The following SPIDR variants were observed in gnomAD, a reference collection of about 807,000 sequenced individuals.
SPIDR encodes scaffold protein involved in DNA repair.
SPIDR carries 93 observed loss-of-function variants against 104.6 expected under a neutral mutation model. That is an observed-to-expected ratio of 0.89 (90% confidence interval 0.75 to 1.06). SPIDR has a LOEUF of 1.06. Among genes scored for constraint, SPIDR ranks in the 50% least tolerant of loss-of-function variants. The probability of loss-of-function intolerance (pLI) is 0.00; values close to 1 mark genes in which losing one functional copy is unlikely to be tolerated. For synonymous variants in SPIDR, 431 were observed against 416.9 expected (o/e 1.03, Z -0.41); for missense variants, 1,154 against 1,111.2 (o/e 1.04, Z -0.55).
chr8:47,272,928 A>G (rs1176747789), intron 1 of SPIDR, among the ~76,000 whole-genome samples: 2 of 152,172 alleles, frequency 1.3e-5, no homozygotes, highest in African/African-American at 4.8e-5. Flanking sequence ...TACCACTTCA[A>G]ATGAGTTACA....
intron 5 of SPIDR, among the ~76,000 whole-genome samples, chr8:47,380,639 C>A (rs1453143014): frequency 6.6e-6 from 1 of 152,070 alleles, no homozygotes; most frequent in African/African-American, 2.4e-5. Flanking sequence ...TTCTGTAAGC[C>A]AGTCCATAGG....
At chr8:47,339,679 CTTTTT>C (rs199765975) in intron 5 of SPIDR, among the ~76,000 whole-genome samples, 1 of 135,878 alleles carries the variant, frequency 7.4e-6, no homozygotes. Flanking sequence ...TGTTTACAAT[CTTTTT>C]TTTTTTTTTT....
At chr8:47,269,159 C>T (rs1419195918) in intron 1 of SPIDR, among the ~76,000 whole-genome samples, 1 of 150,202 alleles carries the variant, frequency 6.7e-6, no homozygotes, top group Non-Finnish European at 1.5e-5. Context: ...AGAGTGAGAC[C>T]CTCTCCTTTT....
At chr8:47,384,447 T>TA (rs1384719630) in intron 5 of SPIDR, among the ~76,000 whole-genome samples, 1 of 152,240 alleles carries the variant, frequency 6.6e-6, no homozygotes, top group African/African-American at 2.4e-5. Flanking sequence ...TTCTTTTTTT[T>TA]AGTACTTCAG....
chr8:47,602,381 G>A (rs570360906), intron 10 of SPIDR, among the ~76,000 whole-genome samples: 8 of 152,322 alleles, frequency 5.3e-5, no homozygotes, highest in Admixed American at 5.2e-4. Flanking sequence ...TTGAGCTCTT[G>A]TCATTATCTG....
At chr8:47,641,614 G>A (rs1353262466) in intron 10 of SPIDR, among the ~76,000 whole-genome samples, 1 of 152,186 alleles carries the variant, frequency 6.6e-6, no homozygotes, top group Non-Finnish European at 1.5e-5. Context: ...TAAGTAAAAG[G>A]TAGTGGTACT....
chr8:47,301,319 A>C (rs1289753975), intron 5 of SPIDR, among the ~76,000 whole-genome samples: 1 of 151,818 alleles, frequency 6.6e-6, no homozygotes, highest in African/African-American at 2.4e-5. Flanking sequence ...TTCATCCTTT[A>C]TTTTGAGCCT....
intron 8 of SPIDR, among the ~76,000 whole-genome samples, chr8:47,589,034 T>TTTG (rs1554819699): frequency 2.7e-5 from 4 of 149,612 alleles, no homozygotes; most frequent in South Asian, 2.1e-4. Flanking sequence ...TTTTTTTTTT[T>TTTG]TTTTTTTTTG....
At chr8:47,309,142 T>A (rs2043658397) in intron 5 of SPIDR, among the ~76,000 whole-genome samples, 1 of 152,224 alleles carries the variant, frequency 6.6e-6, no homozygotes, top group Non-Finnish European at 1.5e-5. Flanking sequence ...TTTAGAAACC[T>A]CTCATATATG....
At chr8:47,579,213 C>G (rs1450801485) in intron 8 of SPIDR, among the ~76,000 whole-genome samples, 1 of 152,176 alleles carries the variant, frequency 6.6e-6, no homozygotes. Flanking sequence ...TGTACTGATG[C>G]AGGTGTCCAA....
At chr8:47,505,324 C>T (rs967806093) in intron 8 of SPIDR, among the ~76,000 whole-genome samples, 1 of 152,208 alleles carries the variant, frequency 6.6e-6, no homozygotes, top group African/African-American at 2.4e-5. Context: ...CCTACCCAAG[C>T]CTCAGCAATG....
At chr8:47,464,071 C>T (rs1349789928) in intron 8 of SPIDR, among the ~76,000 whole-genome samples, 2 of 151,156 alleles carry the variant, frequency 1.3e-5, no homozygotes, top group Middle Eastern at 3.4e-3. Context: ...TATCTCTATT[C>T]AGAGATGGCA....
In SPIDR at chr8:47,521,547, C is replaced by T. The variant is rs566788947; in HGVS notation, c.1098-74264C>T. 4.0e-5 allele frequency among the ~76,000 whole-genome samples: 6 copies of T among 151,432 alleles called. No homozygotes were observed. In the South Asian group the frequency reaches 1.0e-3, roughly 26 times the overall value. ...CAAGCAATTCTCCTGCCTTAGCCTC[C>T]GGAGTAGCTGGGATTACAGGCACGC... On this transcript the variant is annotated intron_variant, in intron 8 of 19. Coordinates refer to ENST00000297423, the MANE Select transcript of SPIDR (RefSeq NM_001080394.4).
At chr8:47,563,226 G>GT (rs1430716995) in intron 8 of SPIDR, among the ~76,000 whole-genome samples, 1 of 151,988 alleles carries the variant, frequency 6.6e-6, no homozygotes, top group Non-Finnish European at 1.5e-5. Context: ...CTGAAGTGCA[G>GT]TGGCCCCGTC....
intron 1 of SPIDR, among the ~76,000 whole-genome samples, chr8:47,277,311 GTTTGTTATGTTATGT>G (rs1368366517): frequency 0.021 from 2,663 of 128,384 alleles, 34 homozygotes; most frequent in Middle Eastern, 0.067. Flanking sequence ...TTTATGTTAT[GTTTGTTATGTTATGT>G]TATGTTATGT....
chr8:47,282,361 C>G (rs2037955644), intron 2 of SPIDR, among the ~76,000 whole-genome samples: 1 of 152,242 alleles, frequency 6.6e-6, no homozygotes, highest in Non-Finnish European at 1.5e-5. Flanking sequence ...GCATCATCTT[C>G]TAATATAAGG....
chr8:47,712,905 G>T, intron 15 of SPIDR, 33 bp downstream of exon 15: 1 of 1,612,532 alleles, frequency 6.2e-7, no homozygotes, highest in Non-Finnish European at 8.5e-7. Flanking sequence ...TTGATGCAGG[G>T]GCGACTGATC....
chr8:47,568,875 C>G (rs2058201032), intron 8 of SPIDR, among the ~76,000 whole-genome samples: 1 of 152,002 alleles, frequency 6.6e-6, no homozygotes, highest in African/African-American at 2.4e-5. Context: ...GGAGAGCAGG[C>G]ATAAATCCTT....
At chr8:47,693,653 C>T (rs1183857783) in intron 11 of SPIDR, among the ~76,000 whole-genome samples, 1 of 152,000 alleles carries the variant, frequency 6.6e-6, no homozygotes, top group Non-Finnish European at 1.5e-5. Context: ...TTCACATTCT[C>T]GTGAGGACAC....
Sources: gnomAD v4.1 joint callset for allele counts (sites outside exome capture counted in the v4.1 genomes callset) on GRCh38, gnomAD v4.1.1 for gene constraint, MANE v1.5 for transcripts, NCBI Gene and HGNC (gene_info 2026-07-23, HGNC 2026-07-21) for gene names.